Variants in ARID2 observed in about 807,000 individuals in gnomAD.
ARID2 encodes AT-rich interaction domain 2, also known as AT-rich interactive domain-containing protein 2.
ARID2 carries 32 observed loss-of-function variants against 184.6 expected under a neutral mutation model. The observed-to-expected ratio is 0.17, with a 90% confidence interval of 0.13 to 0.23. The LOEUF is 0.23. Ranked by LOEUF, ARID2 falls within the 10% of genes least tolerant of loss-of-function variation. ARID2 has a pLI of 1.00. For synonymous variants in ARID2, 836 were observed against 772.6 expected (o/e 1.08, Z -1.36); for missense variants, 1,696 against 2,197.6 (o/e 0.77, Z 4.56).
intron 20 of ARID2, 81 bp downstream of exon 20, chr12:45,893,802 T>C: frequency 8.4e-7 from 1 of 1,190,454 alleles, no homozygotes; most frequent in Non-Finnish European, 1.1e-6. Flanking sequence ...TAGATAACTG[T>C]ATTTTCTTCA....
chr12:45,780,801 G>T (rs894449182), intron 3 of ARID2, among the ~76,000 whole-genome samples: 3 of 151,888 alleles, frequency 2.0e-5, no homozygotes, highest in Non-Finnish European at 4.4e-5. Flanking sequence ...TGTATTTTTA[G>T]TAGTGATGGG....
chr12:45,861,992 A>G (rs995087029), intron 16 of ARID2, among the ~76,000 whole-genome samples: 1 of 152,162 alleles, frequency 6.6e-6, no homozygotes, highest in African/African-American at 2.4e-5. Context: ...TGCTATTCAT[A>G]TTTTTGTGAT....
At position 45,876,811 on chromosome 12, in the gene ARID2, C is replaced by T. The variant is rs1193223810; in HGVS notation, c.4923-14969C>T. On this transcript the variant is annotated intron_variant, in intron 16 of 20. Transcript: ENST00000334344. ...CTTCAATTAAAAAAAAAAAAAAGGCCGGGCGTGGTGGCTCACGCCTGTAAT... is the reference window on the plus strand; with the variant it reads ...CTTCAATTAAAAAAAAAAAAAAGGCTGGGCGTGGTGGCTCACGCCTGTAAT... Among the ~76,000 whole-genome samples, 15 of 149,492 alleles carry T rather than the reference C, an allele frequency of 1.0e-4. No homozygotes were observed. The South Asian group carries it at 1.7e-3, about 17-fold the overall frequency.
At position 45,906,272 on chromosome 12, in the gene ARID2, T is replaced by G. The variant is rs1029412443; in HGVS notation, c.*1194T>G. ...AGTGTGGAATTTTATTGTATTATTC[T>G]TCCATTCTTAATACTGTACCACATT... On this transcript the variant is annotated 3_prime_UTR_variant, in exon 21 of 21. Transcript: ENST00000334344. The G allele has an allele frequency of 1.7e-5, 4 of 232,990 alleles. No individual in the cohort carries two copies. The highest frequency in any genetic ancestry group is 3.4e-5 in the Non-Finnish European group (4 of 117,742). The allele number at this position is 232,990 out of a possible 1,614,324, so 14.4% of individuals were successfully genotyped here.
intron 3 of ARID2, among the ~76,000 whole-genome samples, chr12:45,810,372 T>C (rs1317604072): frequency 6.6e-6 from 1 of 152,176 alleles, no homozygotes; most frequent in South Asian, 2.1e-4. Flanking sequence ...CACTGTCTTA[T>C]AAATTGGTCA....
Position 45,836,960 on chromosome 12 carries a change from GCCTT to G in ARID2, c.993_996del (p.Leu332ThrfsTer3). On this transcript the variant is annotated frameshift_variant, in exon 8 of 21. Coordinates refer to ENST00000334344, the MANE Select transcript of ARID2 (RefSeq NM_152641.4). LOFTEE classifies it high-confidence loss of function. ...CATTTTATTTCTTTAAGGCAATTAGGCCTTGACACATTAGGAAATATTGCAGCTG... is the reference window on the plus strand; with the variant it reads ...CATTTTATTTCTTTAAGGCAATTAGGGACACATTAGGAAATATTGCAGCTG... 1 of 1,613,842 alleles carries G rather than the reference GCCTT, an allele frequency of 6.2e-7. No individual in the cohort carries two copies. The highest frequency in any genetic ancestry group is 8.5e-7 in the Non-Finnish European group (1 of 1,179,958).
chr12:45,787,256 C>T (rs1222696773), intron 3 of ARID2, among the ~76,000 whole-genome samples: 1 of 150,140 alleles, frequency 6.7e-6, no homozygotes, highest in Non-Finnish European at 1.5e-5. Flanking sequence ...CTCCCTCTGT[C>T]ACCCAGGCTG....
intron 3 of ARID2, among the ~76,000 whole-genome samples, chr12:45,767,303 C>T (rs1487555391): frequency 5.3e-5 from 8 of 152,058 alleles, no homozygotes; most frequent in Non-Finnish European, 1.0e-4. Flanking sequence ...AAGTGATTTG[C>T]AAATATTTTC....
intron 4 of ARID2, 32 bp from the exon 5 acceptor site, chr12:45,817,638 G>C (rs1800541183): frequency 6.5e-7 from 1 of 1,540,060 alleles, no homozygotes; most frequent in Non-Finnish European, 8.8e-7. Context: ...TCTGATCTTT[G>C]ATATACTTAA....
intron 3 of ARID2, among the ~76,000 whole-genome samples, chr12:45,746,178 A>G (rs898083764): frequency 1.3e-5 from 2 of 150,618 alleles, no homozygotes; most frequent in African/African-American, 4.9e-5. Context: ...TGGTGCAATC[A>G]TGGTTCACTG....
intron 3 of ARID2, among the ~76,000 whole-genome samples, chr12:45,806,832 G>A (rs998415950): frequency 6.6e-6 from 1 of 152,146 alleles, no homozygotes; most frequent in Non-Finnish European, 1.5e-5. Flanking sequence ...TCTCATAGTT[G>A]CTTCACATCC....
intron 3 of ARID2, among the ~76,000 whole-genome samples, chr12:45,755,734 T>A (rs1012152079): frequency 3.3e-5 from 5 of 152,176 alleles, no homozygotes; most frequent in Non-Finnish European, 7.4e-5. Flanking sequence ...ACTTTTTTTT[T>A]AAACAAGCTC....
chr12:45,861,483 G>T (rs1943746017), intron 16 of ARID2, among the ~76,000 whole-genome samples: 1 of 151,408 alleles, frequency 6.6e-6, no homozygotes, highest in African/African-American at 2.4e-5. Context: ...TGAAAAGAAT[G>T]TTGGTTAAAA....
chr12:45,872,633 T>G (rs1466601246), intron 16 of ARID2, among the ~76,000 whole-genome samples: 1 of 152,194 alleles, frequency 6.6e-6, no homozygotes, highest in African/African-American at 2.4e-5. Context: ...TCGTCAGATC[T>G]CGTGAGAACT....
intron 20 of ARID2, among the ~76,000 whole-genome samples, chr12:45,900,221 T>G (rs1035862390): frequency 6.6e-6 from 1 of 151,964 alleles, no homozygotes; most frequent in East Asian, 1.9e-4. Flanking sequence ...CTACTACGCC[T>G]GGCTAATTTT....
rs183514503 is a variant in ARID2, at chr12:45,770,063, G to T, written c.284+38749G>T. ...AGGTCAGGAGATCGAGACCATCCTG[G>T]CTAACACAGTGAAACCCCATCTCTA... is the stretch of plus-strand genomic sequence containing the variant. On this transcript the variant is annotated intron_variant, in intron 3 of 20. Transcript: ENST00000334344. 2.0e-5 allele frequency among the ~76,000 whole-genome samples: 3 copies of T among 152,208 alleles called. No homozygotes were observed. The East Asian group carries it at 5.8e-4, about 29-fold the overall frequency.
At position 45,852,742 on chromosome 12, in the gene ARID2, C is replaced by A. The variant is rs755116095; in HGVS notation, c.4619C>A (p.Thr1540Lys). The A allele has an allele frequency of 1.4e-5, 23 of 1,614,052 alleles. No homozygotes were observed. Among genetic ancestry groups the A allele is most frequent in the Admixed American group, 5.0e-5 (3 of 59,998 alleles). Residue 1540 changes from threonine to lysine, a missense_variant, in exon 15 of 21, where the codon ACA (threonine) becomes AAA (lysine). Transcript: ENST00000334344. ...AATAAAGTAGGAGTTAGAATTGTTA[C>A]AATCAGTGACCCCAACAATGCTGGC... ...IPNKVGVRIV[T>K]ISDPNNAGCS... is the part of the protein sequence containing the mutation.
chr12:45,753,629 G>A (rs1175708945), intron 3 of ARID2, among the ~76,000 whole-genome samples: 2 of 151,966 alleles, frequency 1.3e-5, no homozygotes, highest in Non-Finnish European at 2.9e-5. Flanking sequence ...TTGAGACAAG[G>A]TCTCGCTCTG....
chr12:45,859,223 C>A (rs1386306121), intron 15 of ARID2, among the ~76,000 whole-genome samples: 3 of 152,112 alleles, frequency 2.0e-5, no homozygotes, highest in African/African-American at 4.8e-5. Flanking sequence ...TTCACTGTAC[C>A]TTTTCTATGT....
Sources: gnomAD v4.1 joint callset for allele counts (sites outside exome capture counted in the v4.1 genomes callset) on GRCh38, gnomAD v4.1.1 for gene constraint, MANE v1.5 for transcripts, NCBI Gene and HGNC (gene_info 2026-07-23, HGNC 2026-07-21) for gene names.